The following UBE3C variants were observed in gnomAD, a reference collection of about 807,000 sequenced individuals.
UBE3C encodes the protein ubiquitin protein ligase E3C.
UBE3C carries 42 observed loss-of-function variants against 129.4 expected under a neutral mutation model. The ratio of observed to expected loss-of-function variants is 0.32; its 90% CI spans 0.25 to 0.42. The LOEUF is 0.42. Among genes scored for constraint, UBE3C ranks in the 10% least tolerant of loss-of-function variants. UBE3C has a pLI of 1.00. For synonymous variants in UBE3C, 510 were observed against 492.4 expected (o/e 1.04, Z -0.47); for missense variants, 1,049 against 1,319.1 (o/e 0.80, Z 3.17).
At chr7:157,168,941 G>GT in intron 2 of UBE3C, 107 bp from the exon 3 acceptor site, 1 of 792,222 alleles carries the variant, frequency 1.3e-6, no homozygotes, top group East Asian at 2.6e-5. Flanking sequence ...GAATTTTATG[G>GT]TATGTGAATT....
At chr7:157,141,954 T>TA (rs1287256743) in intron 1 of UBE3C, among the ~76,000 whole-genome samples, 1 of 152,238 alleles carries the variant, frequency 6.6e-6, no homozygotes. Context: ...TCCTAGATGA[T>TA]ACGCATGTTC....
chr7:157,234,752 T>TCA (rs1286449116), intron 18 of UBE3C, among the ~76,000 whole-genome samples: 1 of 152,226 alleles, frequency 6.6e-6, no homozygotes, highest in Non-Finnish European at 1.5e-5. Context: ...GTGGCAGATT[T>TCA]CAGGTGTTGA....
chr7:157,177,662 C>G (rs1808556137), intron 5 of UBE3C, among the ~76,000 whole-genome samples: 1 of 152,224 alleles, frequency 6.6e-6, no homozygotes, highest in Non-Finnish European at 1.5e-5. Context: ...AGGGCAAAGA[C>G]AAAACAAGGT....
At chr7:157,152,754 G>A (rs1459527296) in intron 1 of UBE3C, among the ~76,000 whole-genome samples, 1 of 152,068 alleles carries the variant, frequency 6.6e-6, no homozygotes, top group Admixed American at 6.6e-5. Flanking sequence ...TGTCTTGCCG[G>A]CACATCTTGC....
intron 2 of UBE3C, chr7:157,164,377 A>G (rs975296093): frequency 2.0e-5 from 9 of 456,534 alleles, no homozygotes; most frequent in African/African-American, 1.2e-4. Context: ...GGCTGATTTC[A>G]AACTATGGCC....
At chr7:157,144,547 T>C (rs1231569782) in intron 1 of UBE3C, among the ~76,000 whole-genome samples, 1 of 152,014 alleles carries the variant, frequency 6.6e-6, no homozygotes, top group Non-Finnish European at 1.5e-5. Flanking sequence ...TGGGAAATAT[T>C]TTGAGACTTA....
intron 16 of UBE3C, among the ~76,000 whole-genome samples, chr7:157,224,794 T>A (rs2706168): frequency 0.022 from 879 of 39,150 alleles, 3 homozygotes; most frequent in South Asian, 0.039. Context: ...ACACACACAC[T>A]CTCTCTCTCT....
At position 157,200,099 on chromosome 7, in the gene UBE3C, C is replaced by T. The variant is rs1034896226; in HGVS notation, c.1332-1622C>T. Reference sequence around the variant, plus strand: ...GGACCTTAGAACAGATGTATCACTGCCCCTTCATTTTCTTATGCAAACATT... The same window carrying T: ...GGACCTTAGAACAGATGTATCACTGTCCCTTCATTTTCTTATGCAAACATT... On this transcript the variant is annotated intron_variant, in intron 10 of 22. Transcript: ENST00000348165. 1.9e-4 allele frequency among the ~76,000 whole-genome samples: 29 copies of T among 152,188 alleles called. No homozygotes were observed. The South Asian group carries it at 5.8e-3, about 31-fold the overall frequency.
chr7:157,250,852 TGTG>T (rs1275065318), intron 19 of UBE3C, among the ~76,000 whole-genome samples: 17 of 152,312 alleles, frequency 1.1e-4, no homozygotes, highest in African/African-American at 2.9e-4. Context: ...CGGTGAGTGT[TGTG>T]GTGACCTGCC....
chr7:157,202,115 T>C lies in UBE3C; in HGVS notation c.1418+308T>C, dbSNP rs142391923. On this transcript the variant is annotated intron_variant, in intron 11 of 22. Transcript: ENST00000348165. ...TTTGCTCCATATGACTTTACTCCTCTTTTCACAGTGAAAATACAGATTTGA... is the reference window on the plus strand; with the variant it reads ...TTTGCTCCATATGACTTTACTCCTCCTTTCACAGTGAAAATACAGATTTGA... Among the ~76,000 whole-genome samples, 8 of 152,300 alleles carry C rather than the reference T, an allele frequency of 5.3e-5. No homozygotes were observed. The East Asian group carries it at 1.5e-3, about 29-fold the overall frequency.
At chr7:157,257,712 A>T (rs1436863636) in intron 22 of UBE3C, among the ~76,000 whole-genome samples, 1 of 133,712 alleles carries the variant, frequency 7.5e-6, no homozygotes, top group African/African-American at 2.9e-5. Context: ...ACTGCACTCC[A>T]GCCTGGGTGA....
intron 1 of UBE3C, among the ~76,000 whole-genome samples, chr7:157,152,141 T>G (rs1807772599): frequency 6.6e-6 from 1 of 151,644 alleles, no homozygotes; most frequent in South Asian, 2.1e-4. Context: ...GTGGCCAGAA[T>G]GGGGGTGGGC....
rs1797139738 is a variant in UBE3C, at chr7:157,268,550, A to G, written c.*795A>G. 1 of 152,630 alleles carries G rather than the reference A, an allele frequency of 6.6e-6. No individual in the cohort carries two copies. The highest frequency in any genetic ancestry group is 2.4e-5 in the African/African-American group (1 of 41,448). The allele number at this position is 152,630 out of a possible 1,614,324, so 9.5% of individuals were successfully genotyped here. A position where few individuals can be genotyped will look rare whatever the true frequency, so the allele number is the denominator to read the frequency against. On this transcript the variant is annotated 3_prime_UTR_variant, in exon 23 of 23. Transcript: ENST00000348165. ...TACCCAGTTACTTGGGGGAGGACAGACACTGTGGTGTCATTAAAGTTGTTT... is the reference window on the plus strand; with the variant it reads ...TACCCAGTTACTTGGGGGAGGACAGGCACTGTGGTGTCATTAAAGTTGTTT...
intron 10 of UBE3C, chr7:157,192,778 A>C: frequency 7.7e-7 from 1 of 1,299,840 alleles, no homozygotes; most frequent in Non-Finnish European, 1.1e-6. Flanking sequence ...TTTGACAGAC[A>C]TTATTGTGGC....
chr7:157,263,628 TAC>T (rs980961012), intron 22 of UBE3C, among the ~76,000 whole-genome samples: 2 of 148,894 alleles, frequency 1.3e-5, no homozygotes, highest in African/African-American at 5.0e-5. Context: ...TGTGCCATTG[TAC>T]ACCAGCCTTG....
chr7:157,172,226 G>C lies in UBE3C; in HGVS notation c.342+1776G>C, dbSNP rs1465568742. Among the ~76,000 whole-genome samples the C allele has an allele frequency of 2.0e-5, 3 of 151,464 alleles. No individual in the cohort carries two copies. The East Asian group carries it at 5.9e-4, about 30-fold the overall frequency. On this transcript the variant is annotated intron_variant, in intron 4 of 22. Coordinates refer to ENST00000348165, the MANE Select transcript of UBE3C (RefSeq NM_014671.3). ...TTTTTTTGTATTTTTAGTAGAGTCA[G>C]GTTTCACCATGTTGGCCAGGCTGGT...
At chr7:157,163,513 G>A (rs567679903) in intron 1 of UBE3C, among the ~76,000 whole-genome samples, 2 of 152,134 alleles carry the variant, frequency 1.3e-5, no homozygotes, top group African/African-American at 2.4e-5. Flanking sequence ...ACATTGGTAC[G>A]GAGCACCAGT....
Position 157,223,312 on chromosome 7 carries a change from A to G in UBE3C, c.2061A>G (p.Thr687=), listed in dbSNP as rs1315638489. 1.2e-6 allele frequency: 2 copies of G among 1,613,940 alleles called. No individual in the cohort carries two copies. Among genetic ancestry groups the G allele is most frequent in the Admixed American group, 1.7e-5 (1 of 59,976 alleles). The change falls in exon 16 of 23, where the codon ACA becomes ACG. Residue 687 remains threonine, a synonymous_variant. Transcript: ENST00000348165. ...VSEERQLAVL[T]ELPFVVPFEE... is the part of the protein sequence containing the mutation. The stretch of plus-strand genomic sequence containing the variant: ...AGGAAAGACAGCTTGCTGTCCTGAC[A>G]GAGTTGCCTTTTGTGGTTCCATTTG...
chr7:157,263,412 C>T (rs1158991548), intron 22 of UBE3C, among the ~76,000 whole-genome samples: 1 of 152,344 alleles, frequency 6.6e-6, no homozygotes, highest in Admixed American at 6.5e-5. Flanking sequence ...TGTGGTGGCT[C>T]ACGCACTTTG....
Sources: allele counts gnomAD v4.1 joint callset (sites outside exome capture counted in the v4.1 genomes callset), GRCh38; gene constraint gnomAD v4.1.1; transcripts MANE v1.5; gene names NCBI Gene and HGNC (gene_info 2026-07-23, HGNC 2026-07-21).